Variants in RAB1A observed in about 807,000 individuals in gnomAD.
The protein encoded by RAB1A is RAB1A, member RAS oncogene family.
A neutral mutation model predicts 26.0 loss-of-function variants in RAB1A; 2 were observed. That is an observed-to-expected ratio of 0.08 (90% CI 0.03 to 0.24). The LOEUF is 0.24. RAB1A is among the 10% of genes least tolerant of loss of function. The probability of loss-of-function intolerance (pLI) is 1.00; values close to 1 mark genes in which losing one functional copy is unlikely to be tolerated. For synonymous variants in RAB1A, 84 were observed against 84.9 expected (o/e 0.99, Z 0.06); for missense variants, 100 against 247.0 (o/e 0.40, Z 3.99).
intron 2 of RAB1A, among the ~76,000 whole-genome samples, chr2:65,103,789 CTTTTTTTTTT>C (rs1368812908): frequency 2.7e-5 from 4 of 147,880 alleles, no homozygotes; most frequent in African/African-American, 7.5e-5. Flanking sequence ...TATTTTTTTT[CTTTTTTTTTT>C]GAGACAGTCT....
chr2:65,124,997 T>G (rs1401701648), intron 1 of RAB1A, among the ~76,000 whole-genome samples: 1 of 151,382 alleles, frequency 6.6e-6, no homozygotes, highest in Non-Finnish European at 1.5e-5. Context: ...ACAACCTGCT[T>G]TCACTTTCAA....
At chr2:65,126,187 G>A (rs1670097295) in intron 1 of RAB1A, among the ~76,000 whole-genome samples, 1 of 151,892 alleles carries the variant, frequency 6.6e-6, no homozygotes, top group Non-Finnish European at 1.5e-5. Context: ...GGTGGCAAAT[G>A]CCTGTAATCC....
intron 1 of RAB1A, among the ~76,000 whole-genome samples, chr2:65,111,131 G>A (rs1669684175): frequency 1.3e-5 from 2 of 152,106 alleles, no homozygotes; most frequent in African/African-American, 4.8e-5. Flanking sequence ...GGAGGCCAAC[G>A]CGGGTGGATT....
Position 65,129,988 on chromosome 2 carries a change from G to T in RAB1A, c.-73C>A. The T allele has an allele frequency of 6.6e-7, 1 of 1,508,380 alleles. No homozygotes were observed. The highest frequency in any genetic ancestry group is 9.0e-7 in the Non-Finnish European group (1 of 1,107,496). The allele number at this position is 1,508,380 out of a possible 1,614,324, so 93.4% of individuals were successfully genotyped here. ...CGCCGCCCTGACTCTCCGCGCCACG[G>T]GTAATCGAAAGAAAGGAATGAGATA... On this transcript the variant is annotated 5_prime_UTR_variant, in exon 1 of 6. Transcript: ENST00000409784.
At chr2:65,107,794 T>G (rs1669595969) in intron 1 of RAB1A, among the ~76,000 whole-genome samples, 1 of 152,160 alleles carries the variant, frequency 6.6e-6, no homozygotes, top group Non-Finnish European at 1.5e-5. Context: ...AGATGTTGCC[T>G]GAAGTATCAC....
In RAB1A at chr2:65,090,964, A is replaced by G; in HGVS notation, c.288+19T>C. 1.3e-6 allele frequency: 2 copies of G among 1,557,662 alleles called. No individual in the cohort carries two copies. The highest frequency in any genetic ancestry group is 1.8e-6 in the Non-Finnish European group (2 of 1,134,142). On this transcript the variant is annotated intron_variant, in intron 4 of 5. Coordinates refer to ENST00000409784, the MANE Select transcript of RAB1A (RefSeq NM_004161.5). ...CTTCCTACTTGGTCACTGTAACACA[A>G]TCTCCTCTTGGAACTTACCTGATCT...
chr2:65,107,666 C>T (rs1271864616), intron 1 of RAB1A, among the ~76,000 whole-genome samples: 1 of 152,054 alleles, frequency 6.6e-6, no homozygotes, highest in African/African-American at 2.4e-5. Context: ...AACACAACAA[C>T]TGGACTCAAT....
chr2:65,110,528 C>T (rs187509380), intron 1 of RAB1A, among the ~76,000 whole-genome samples: 2 of 151,048 alleles, frequency 1.3e-5, no homozygotes, highest in East Asian at 3.9e-4. Context: ...AAAATAAATA[C>T]TCATGAATTC....
intron 1 of RAB1A, among the ~76,000 whole-genome samples, chr2:65,114,670 C>T (rs994046271): frequency 2.4e-4 from 37 of 151,792 alleles, no homozygotes; most frequent in Non-Finnish European, 4.4e-4. Context: ...GGTGAAACCC[C>T]GTCTCTACTA....
At chr2:65,107,008 C>T (rs538445809) in intron 1 of RAB1A, among the ~76,000 whole-genome samples, 1 of 152,252 alleles carries the variant, frequency 6.6e-6, no homozygotes, top group Admixed American at 6.5e-5. Flanking sequence ...CCGCCTTGGC[C>T]TCCCAAAGTG....
intron 2 of RAB1A, among the ~76,000 whole-genome samples, chr2:65,101,818 C>T (rs1033004348): frequency 1.5e-5 from 2 of 133,838 alleles, no homozygotes; most frequent in Non-Finnish European, 3.0e-5. Context: ...GGTGCGATCT[C>T]GACTCACCAC....
At chr2:65,104,522 C>T (rs1317184579) in intron 2 of RAB1A, among the ~76,000 whole-genome samples, 1 of 152,170 alleles carries the variant, frequency 6.6e-6, no homozygotes, top group African/African-American at 2.4e-5. Context: ...GACTTTATAA[C>T]CATACTTCAC....
intron 3 of RAB1A, among the ~76,000 whole-genome samples, chr2:65,092,679 A>G (rs1284245563): frequency 6.6e-6 from 1 of 152,228 alleles, no homozygotes; most frequent in African/African-American, 2.4e-5. Context: ...AGGTATTGCT[A>G]TGTTGCCCAG....
At chr2:65,092,341 A>C (rs1669190200) in intron 3 of RAB1A, among the ~76,000 whole-genome samples, 1 of 152,198 alleles carries the variant, frequency 6.6e-6, no homozygotes, top group Non-Finnish European at 1.5e-5. Flanking sequence ...TCGAGGATCA[A>C]GCTACCCTGA....
In RAB1A at chr2:65,105,997, T is replaced by A. The variant is rs191749958; in HGVS notation, c.24-1191A>T. ...GGATGGTCTCGATCTCCTGACCTCA[T>A]GATCTGCCCGCCTCAGCCTCCCAAA... On this transcript the variant is annotated intron_variant, in intron 1 of 5. Transcript: ENST00000409784. Among the ~76,000 whole-genome samples the A allele has an allele frequency of 3.2e-4, 48 of 152,262 alleles. No individual in the cohort carries two copies. The East Asian group carries it at 8.9e-3, about 28-fold the overall frequency.
At chr2:65,103,746 T>C (rs1210926860) in intron 2 of RAB1A, among the ~76,000 whole-genome samples, 1 of 152,034 alleles carries the variant, frequency 6.6e-6, no homozygotes, top group African/African-American at 2.4e-5. Context: ...GAAACAATGA[T>C]CTCTAGAAGG....
At chr2:65,121,164 G>A (rs1019566042) in intron 1 of RAB1A, among the ~76,000 whole-genome samples, 4 of 143,700 alleles carry the variant, frequency 2.8e-5, no homozygotes, top group Non-Finnish European at 6.0e-5. Context: ...AGTACAGGAG[G>A]TTGAGACTGC....
intron 1 of RAB1A, among the ~76,000 whole-genome samples, chr2:65,127,848 C>A (rs1252582180): frequency 6.6e-6 from 1 of 152,158 alleles, no homozygotes; most frequent in Non-Finnish European, 1.5e-5. Context: ...ATTCTCCTGC[C>A]TCAGCCTCTC....
In RAB1A at chr2:65,089,038, C is replaced by T. The variant is rs1156697517; in HGVS notation, c.321G>A (p.Gln107=). 2 of 1,610,292 alleles carry T rather than the reference C, an allele frequency of 1.2e-6. No homozygotes were observed. The highest frequency in any genetic ancestry group is 2.2e-5 in the South Asian group (2 of 90,574). The change falls in exon 5 of 6, where the codon CAG becomes CAA. Residue 107 remains glutamine (Q), a synonymous_variant. Transcript: ENST00000409784. ...TTTCACTGGCATAACGATCTATTTC[C>T]TGCAGCCACTGTTTAACATTATTGA... ...ESFNNVKQWL[Q]EIDRYASENV...
Sources: gnomAD v4.1 joint callset for allele counts (sites outside exome capture counted in the v4.1 genomes callset) on GRCh38, gnomAD v4.1.1 for gene constraint, MANE v1.5 for transcripts, NCBI Gene and HGNC (gene_info 2026-07-23, HGNC 2026-07-21) for gene names.